ME1: variants seen among roughly 807,000 people sequenced by gnomAD.
ME1 encodes malic enzyme 1.
Under a neutral mutation model 66.4 loss-of-function variants are expected in ME1, and 74 were observed. The observed-to-expected ratio is 1.11, with a 90% CI of 0.92 to 1.35. The LOEUF is 1.35. ME1 is among the 40% of genes most tolerant of loss of function. The pLI is 0.00. For missense variants in ME1, 750 were observed against 694.1 expected, an observed-to-expected ratio of 1.08 and a Z score of -0.90; for synonymous variants, 251 against 235.6, an observed-to-expected ratio of 1.07 and a Z score of -0.60.
At chr6:83,285,234 TTC>T (rs1252165565) in intron 6 of ME1, among the ~76,000 whole-genome samples, 1 of 152,182 alleles carries the variant, frequency 6.6e-6, no homozygotes, top group Non-Finnish European at 1.5e-5. Flanking sequence ...GGATTGGTTT[TTC>T]TCTCTTTTAT....
At chr6:83,263,793 CATAACATAACATAACATAACATAACAT>C (rs1766939702) in intron 6 of ME1, among the ~76,000 whole-genome samples, 1 of 145,428 alleles carries the variant, frequency 6.9e-6, no homozygotes, top group African/African-American at 2.6e-5. Context: ...CATAACATAA[CATAACATAACATAACATAACATAACAT>C]AACATAACAT....
At chr6:83,332,965 G>A (rs951446450) in intron 5 of ME1, among the ~76,000 whole-genome samples, 8 of 152,128 alleles carry the variant, frequency 5.3e-5, no homozygotes, top group African/African-American at 1.9e-4. Context: ...GTGTACTTCT[G>A]TTTTGGCATC....
At chr6:83,214,127 T>C (rs1303188006) in intron 13 of ME1, among the ~76,000 whole-genome samples, 1 of 152,204 alleles carries the variant, frequency 6.6e-6, no homozygotes, top group African/African-American at 2.4e-5. Context: ...TTTTAGAATA[T>C]TTCCATCACC....
At chr6:83,312,620 C>G (rs1267996276) in intron 6 of ME1, among the ~76,000 whole-genome samples, 2 of 152,060 alleles carry the variant, frequency 1.3e-5, no homozygotes, top group Non-Finnish European at 2.9e-5. Context: ...AAATTAGTGT[C>G]CATGTAAGTA....
At chr6:83,311,852 T>C (rs1767936734) in intron 6 of ME1, among the ~76,000 whole-genome samples, 1 of 152,010 alleles carries the variant, frequency 6.6e-6, no homozygotes, top group Admixed American at 6.6e-5. Context: ...CCACAAAATG[T>C]TTTTGAGATA....
chr6:83,369,837 T>C (rs1477008694), intron 3 of ME1, among the ~76,000 whole-genome samples: 7 of 152,120 alleles, frequency 4.6e-5, no homozygotes, highest in Non-Finnish European at 2.9e-5. Context: ...AAGTCCTATA[T>C]ATTTCCAATC....
intron 12 of ME1, among the ~76,000 whole-genome samples, chr6:83,220,927 G>A (rs551494720): frequency 5.9e-5 from 9 of 152,232 alleles, no homozygotes; most frequent in Non-Finnish European, 1.0e-4. Context: ...TTGGGAGGCC[G>A]AGTCAGGCTG....
At chr6:83,256,737 C>T (rs1766779287) in intron 6 of ME1, among the ~76,000 whole-genome samples, 1 of 152,066 alleles carries the variant, frequency 6.6e-6, no homozygotes, top group African/African-American at 2.4e-5. Context: ...AAGACACACG[C>T]ACATGTATGT....
intron 1 of ME1, among the ~76,000 whole-genome samples, chr6:83,414,739 G>C (rs1770127139): frequency 1.3e-5 from 2 of 152,118 alleles, no homozygotes; most frequent in African/African-American, 4.8e-5. Flanking sequence ...TTGTAAGGCT[G>C]AAAAATTGTT....
intron 2 of ME1, among the ~76,000 whole-genome samples, chr6:83,405,654 C>T (rs1417204121): frequency 6.6e-6 from 1 of 151,134 alleles, no homozygotes; most frequent in East Asian, 1.9e-4. Flanking sequence ...TCATAAACAG[C>T]TCTTACTATT....
rs371871824 is a variant in ME1, at chr6:83,214,871, G to A, written c.1548+1627C>T. 3.9e-4 allele frequency among the ~76,000 whole-genome samples: 60 copies of A among 152,138 alleles called. No homozygotes were observed. The South Asian group carries it at 0.012, about 31-fold the overall frequency. ...TTTGTTCTAGTTTCTCAATTTCTGT[G>A]TATGCACTCTGTATTCTTCCATTAT... On this transcript the variant is annotated intron_variant, in intron 13 of 13. Coordinates refer to ENST00000369705, the MANE Select transcript of ME1 (RefSeq NM_002395.6).
In ME1 at chr6:83,217,082, A is replaced by C. The variant is rs532033271; in HGVS notation, c.1450-486T>G. Among the ~76,000 whole-genome samples the C allele has an allele frequency of 8.5e-5, 13 of 152,314 alleles. No homozygotes were observed. The South Asian group carries it at 2.7e-3, about 32-fold the overall frequency. ...AGTTCAGAGTCTCACTACAAATAGG[A>C]TTTTAATTTTACACAGACTCTGGAT... On this transcript the variant is annotated intron_variant, in intron 12 of 13. Coordinates refer to ENST00000369705, the MANE Select transcript of ME1 (RefSeq NM_002395.6).
intron 9 of ME1, among the ~76,000 whole-genome samples, chr6:83,237,279 G>GAAAGAAAGAAAGAAAGAAAC (rs58047261): frequency 2.0e-5 from 1 of 50,582 alleles, no homozygotes; most frequent in Non-Finnish European, 4.1e-5. Flanking sequence ...AAGAAAGAAA[G>GAAAGAAAGAAAGAAAGAAAC]GAAGGAAGGA....
At chr6:83,315,202 T>A in intron 6 of ME1, 108 bp downstream of exon 6, 2 of 670,584 alleles carry the variant, frequency 3.0e-6, no homozygotes, top group South Asian at 3.9e-5. Flanking sequence ...GCATTTTTCA[T>A]TCAAATTACT....
intron 1 of ME1, among the ~76,000 whole-genome samples, chr6:83,429,927 A>G (rs780877203): frequency 6.6e-6 from 1 of 152,014 alleles, no homozygotes; most frequent in African/African-American, 2.4e-5. Flanking sequence ...AAGCGCACGC[A>G]CACACACACA....
intron 3 of ME1, among the ~76,000 whole-genome samples, chr6:83,390,149 A>T (rs1200741152): frequency 6.6e-6 from 1 of 152,188 alleles, no homozygotes; most frequent in Non-Finnish European, 1.5e-5. Flanking sequence ...AAATAAAAAA[A>T]TCTAGCCACA....
intron 6 of ME1, 51 bp downstream of exon 6, chr6:83,315,259 C>A: frequency 9.1e-7 from 1 of 1,100,674 alleles, no homozygotes; most frequent in Non-Finnish European, 1.4e-6. Flanking sequence ...TTTTAATAGT[C>A]TGTTATGTTA....
intron 3 of ME1, among the ~76,000 whole-genome samples, chr6:83,394,256 G>T (rs1161682615): frequency 6.6e-6 from 1 of 151,860 alleles, no homozygotes; most frequent in Non-Finnish European, 1.5e-5. Context: ...GAAGTTTGAT[G>T]GAACAAATAA....
At chr6:83,414,111 G>GAAAAAAAAAAA (rs758493692) in intron 1 of ME1, among the ~76,000 whole-genome samples, 1 of 66,506 alleles carries the variant, frequency 1.5e-5, no homozygotes, top group Non-Finnish European at 3.1e-5. Flanking sequence ...ACCCCATCTT[G>GAAAAAAAAAAA]AAAAAAAAAA....
Sources: allele counts gnomAD v4.1 joint callset (sites outside exome capture counted in the v4.1 genomes callset), GRCh38; gene constraint gnomAD v4.1.1; transcripts MANE v1.5; gene names NCBI Gene and HGNC (gene_info 2026-07-23, HGNC 2026-07-21).